The following SPTBN1 variants were observed in gnomAD, a reference collection of about 807,000 sequenced individuals.
SPTBN1 encodes the protein spectrin beta, non-erythrocytic 1.
SPTBN1 carries 32 observed loss-of-function variants against 266.4 expected under a neutral mutation model. The ratio of observed to expected loss-of-function variants is 0.12; its 90% CI spans 0.09 to 0.16. The LOEUF (loss-of-function observed/expected upper bound fraction) is 0.16. Among genes scored for constraint, SPTBN1 ranks in the 10% least tolerant of loss-of-function variants. The pLI is 1.00. For synonymous variants in SPTBN1, 1,336 were observed against 1,162.2 expected, an observed-to-expected ratio of 1.15 and a Z score of -3.04; for missense variants, 2,296 against 3,067.1, an observed-to-expected ratio of 0.75 and a Z score of 5.94.
intron 2 of SPTBN1, among the ~76,000 whole-genome samples, chr2:54,595,563 A>T (rs1474375571): frequency 6.6e-6 from 1 of 152,278 alleles, no homozygotes; most frequent in African/African-American, 2.4e-5. Context: ...CCCCAGCTCC[A>T]TGCTGCTGGT....
At chr2:54,654,176 C>T (rs1037673256) in intron 27 of SPTBN1, among the ~76,000 whole-genome samples, 6 of 152,182 alleles carry the variant, frequency 3.9e-5, no homozygotes, top group Non-Finnish European at 8.8e-5. Context: ...CAAGTAGCCA[C>T]GTACCTTGGA....
intron 2 of SPTBN1, among the ~76,000 whole-genome samples, chr2:54,565,058 T>C (rs1487880335): frequency 6.6e-6 from 1 of 152,204 alleles, no homozygotes; most frequent in East Asian, 1.9e-4. Flanking sequence ...GGGAATTGGC[T>C]AGAAATGTAA....
chr2:54,628,945 G>T lies in SPTBN1; in HGVS notation c.1811G>T (p.Cys604Phe). 1.2e-6 allele frequency: 2 copies of T among 1,601,844 alleles called. No homozygotes were observed. The highest frequency in any genetic ancestry group is 1.7e-6 in the Non-Finnish European group (2 of 1,173,748). ...TGATGTTAAACAGGTTACAAGCCCT[G>T]TGACCCCCAGGTGATCCGAGACCGC... Reference protein sequence around the residue: ...FATDGEGYKPCDPQVIRDRVA... With the variant: ...FATDGEGYKPFDPQVIRDRVA... The change falls in exon 14 of 36, where the codon TGT becomes TTT. Residue 604 changes from cysteine to phenylalanine, a missense_variant. Cys to Phe is a radical substitution (Grantham distance 205). This residue lies in a region of SPTBN1 where 434 missense variants were observed against 573.9 expected (regional missense o/e 0.76). Coordinates refer to ENST00000356805, the MANE Select transcript of SPTBN1 (RefSeq NM_003128.3). This position sits in a 1 kb window ranked among gnomAD's most constrained non-coding sequence, Gnocchi z 4.3.
At chr2:54,472,538 T>C (rs1693981904) in intron 1 of SPTBN1, among the ~76,000 whole-genome samples, 1 of 152,204 alleles carries the variant, frequency 6.6e-6, no homozygotes, top group Admixed American at 6.5e-5. Context: ...TTGTAATTAA[T>C]TCACTGTCTA....
intron 2 of SPTBN1, among the ~76,000 whole-genome samples, chr2:54,537,234 C>T (rs1214676232): frequency 6.6e-6 from 1 of 152,200 alleles, no homozygotes; most frequent in Non-Finnish European, 1.5e-5. Context: ...GGTATACTGT[C>T]ATTCCAACCC....
intron 5 of SPTBN1, among the ~76,000 whole-genome samples, chr2:54,617,376 T>C (rs1044203945): frequency 6.6e-6 from 1 of 152,234 alleles, no homozygotes; most frequent in African/African-American, 2.4e-5. Context: ...TTCACATCTT[T>C]TGTGAGACTG....
rs538707375 is a variant in SPTBN1 at position 54,624,901 on chromosome 2, T to C, written c.1280T>C (p.Phe427Ser). The change falls in exon 11 of 36, where the codon TTT (phenylalanine) becomes TCT (serine). Residue 427 changes from phenylalanine (F) to serine (S), a missense_variant. By Grantham distance (155) the Phe-to-Ser change is radical. Around this residue, in one of 12 missense-constraint regions of SPTBN1, gnomAD observed 148 missense variants for 203.8 expected, o/e 0.73. Transcript: ENST00000356805. ...QEKLEQLARR[F>S]DRKAAMRETW... The stretch of plus-strand genomic sequence containing the variant: ...AAACTGGAACAGCTCGCCCGCAGAT[T>C]TGATCGCAAGGCAGCTATGAGGGAG... 2 of 1,613,942 alleles carry C rather than the reference T, an allele frequency of 1.2e-6. No homozygotes were observed. Among genetic ancestry groups the C allele is most frequent in the East Asian group, 2.2e-5 (1 of 44,878 alleles).
At chr2:54,602,777 G>C (rs1332839665) in intron 3 of SPTBN1, among the ~76,000 whole-genome samples, 1 of 152,174 alleles carries the variant, frequency 6.6e-6, no homozygotes, top group East Asian at 1.9e-4. Context: ...TTTCAAAGCA[G>C]GCTGAGCTAG....
intron 23 of SPTBN1, 81 bp from the exon 24 acceptor site, chr2:54,647,050 G>A: frequency 1.2e-6 from 2 of 1,602,176 alleles, no homozygotes; most frequent in Non-Finnish European, 1.7e-6. Flanking sequence ...CTCCTACCCT[G>A]CTGAGCAGCT....
chr2:54,530,353 C>CT (rs549491367), intron 2 of SPTBN1, among the ~76,000 whole-genome samples: 851 of 73,800 alleles, frequency 0.012, 103 homozygotes, highest in South Asian at 0.048. Context: ...TTGTAAAAAA[C>CT]TTTTTTTTTT....
chr2:54,497,697 T>C (rs1669042843), intron 1 of SPTBN1, among the ~76,000 whole-genome samples: 1 of 152,218 alleles, frequency 6.6e-6, no homozygotes, highest in African/African-American at 2.4e-5. Flanking sequence ...ATTTAAAGAC[T>C]GCCTTGATGC....
chr2:54,668,074 T>G (rs1482400820), intron 35 of SPTBN1, among the ~76,000 whole-genome samples: 4 of 152,146 alleles, frequency 2.6e-5, no homozygotes, highest in Non-Finnish European at 4.4e-5. Context: ...CCTTCTAGGG[T>G]GGGATCTGAC....
chr2:54,612,427 C>T (rs965991744), intron 4 of SPTBN1, 93 bp downstream of exon 4: 23 of 1,365,646 alleles, frequency 1.7e-5, no homozygotes, highest in African/African-American at 1.6e-4. Flanking sequence ...TCAGAGGGAT[C>T]GGGAAGACCA....
intron 2 of SPTBN1, among the ~76,000 whole-genome samples, chr2:54,574,931 A>G (rs1429429069): frequency 1.3e-5 from 2 of 152,236 alleles, no homozygotes; most frequent in Non-Finnish European, 2.9e-5. Context: ...AGGTGGTATC[A>G]TAACTGCTTT....
At chr2:54,470,656 T>G (rs1693874063) in intron 1 of SPTBN1, among the ~76,000 whole-genome samples, 1 of 152,190 alleles carries the variant, frequency 6.6e-6, no homozygotes, top group East Asian at 1.9e-4. Flanking sequence ...ACACTGACTT[T>G]TAGAGGATGT....
In SPTBN1 at chr2:54,624,800, G is replaced by T. The variant is rs1427664826; in HGVS notation, c.1183-4G>T. ...TGTGTGTGTGTGTATTTTCATTTTT[G>T]TAGGCCTGGGAAAGACTGGAAAAAG... On this transcript the variant is annotated splice_region_variant and splice_polypyrimidine_tract_variant and intron_variant, in intron 10 of 35. Coordinates refer to ENST00000356805, the MANE Select transcript of SPTBN1 (RefSeq NM_003128.3). 1.9e-6 allele frequency: 3 copies of T among 1,613,986 alleles called. No homozygotes were observed. The highest frequency in any genetic ancestry group is 2.5e-6 in the Non-Finnish European group (3 of 1,179,970).
In SPTBN1 at chr2:54,466,434, C is replaced by T. The variant is rs1190824801; in HGVS notation, c.-48+9916C>T. Among the ~76,000 whole-genome samples, 6 of 27,106 alleles carry T rather than the reference C, an allele frequency of 2.2e-4. 2 individuals are homozygous for T. Among genetic ancestry groups the T allele is most frequent in the Admixed American group, 7.2e-4 (2 of 2,778 alleles). 17.8% of individuals were successfully genotyped at this position (27,106 alleles called of 152,430 possible). ...AAAATTAGCCGGGCGTGGTAGCGGG[C>T]GCCTGTAGTCCCAGCTACTCGGGAG... On this transcript the variant is annotated intron_variant, in intron 1 of 35. Coordinates refer to ENST00000356805, the MANE Select transcript of SPTBN1 (RefSeq NM_003128.3).
At chr2:54,551,941 A>T (rs752726912) in intron 2 of SPTBN1, among the ~76,000 whole-genome samples, 9 of 152,136 alleles carry the variant, frequency 5.9e-5, no homozygotes, top group Non-Finnish European at 1.3e-4. Context: ...CATAGTAAGT[A>T]TTGTGTTCTG....
At chr2:54,621,028 G>T (rs764726065) in intron 7 of SPTBN1, among the ~76,000 whole-genome samples, 231 of 152,280 alleles carry the variant, frequency 1.5e-3, no homozygotes, top group Middle Eastern at 0.014. Flanking sequence ...CTTAGACTCA[G>T]TGACTAGCTG....
Sources: allele counts gnomAD v4.1 joint callset (sites outside exome capture counted in the v4.1 genomes callset), GRCh38; gene constraint gnomAD v4.1.1; regional missense constraint gnomAD v4.1.1; non-coding constraint Gnocchi (gnomAD v3.1); transcripts MANE v1.5; gene names NCBI Gene and HGNC (gene_info 2026-07-23, HGNC 2026-07-21).